The following PAM variants were observed in gnomAD, a reference collection of about 807,000 sequenced individuals.
PAM encodes peptidyl-glycine alpha-amidating monooxygenase.
PAM carries 72 observed loss-of-function variants against 122.1 expected under a neutral mutation model. The ratio of observed to expected loss-of-function variants is 0.59; its 90% confidence interval spans 0.49 to 0.72. PAM has a LOEUF of 0.72. PAM is among the 30% of genes least tolerant of loss of function. The pLI, the probability that PAM is intolerant of heterozygous loss-of-function variation, is 0.00. For synonymous variants in PAM, 389 were observed against 404.4 expected (o/e 0.96, Z 0.46); for missense variants, 1,106 against 1,183.7 (o/e 0.93, Z 0.96).
rs71586358 is a variant in PAM, at chr5:103,019,034, G to A, written c.2432-756G>A. Among the ~76,000 whole-genome samples, 665 of 152,296 alleles carry A rather than the reference G, an allele frequency of 4.4e-3. 3 individuals are homozygous for A. Among genetic ancestry groups the A allele is most frequent in the South Asian group, 0.016 (76 of 4,830 alleles). ...TACACTCACCTGCCACTCACCTCCT[G>A]CTGTGCGTTCCAGTTCCTAACAGGC... On this transcript the variant is annotated intron_variant, in intron 22 of 25. Coordinates refer to ENST00000438793, the MANE Select transcript of PAM (RefSeq NM_001177306.2).
chr5:102,909,387 A>G (rs569389066), intron 4 of PAM, among the ~76,000 whole-genome samples: 23 of 151,966 alleles, frequency 1.5e-4, no homozygotes, highest in African/African-American at 5.5e-4. Context: ...TTCTTTATGA[A>G]TTTATTTTAA....
intron 1 of PAM, among the ~76,000 whole-genome samples, chr5:102,761,003 T>C (rs924101652): frequency 4.6e-5 from 7 of 152,216 alleles, no homozygotes; most frequent in Admixed American, 2.0e-4. Flanking sequence ...TGTCTTGAGC[T>C]TTGTCTACTA....
intron 7 of PAM, among the ~76,000 whole-genome samples, chr5:102,931,807 A>ACTCTCTCT (rs60775669): frequency 1.1e-4 from 15 of 141,350 alleles, no homozygotes; most frequent in Non-Finnish European, 1.7e-4. Flanking sequence ...CAAACAACAC[A>ACTCTCTCT]CTCTCTCTCT....
intron 21 of PAM, among the ~76,000 whole-genome samples, chr5:103,016,807 A>C (rs1483125532): frequency 1.3e-5 from 2 of 152,216 alleles, no homozygotes; most frequent in South Asian, 4.1e-4. Flanking sequence ...GTACATTTCA[A>C]AAAATTAAAT....
chr5:102,949,263 G>T (rs1757999555), intron 9 of PAM, among the ~76,000 whole-genome samples: 1 of 151,948 alleles, frequency 6.6e-6, no homozygotes, highest in Admixed American at 6.6e-5. Context: ...CAAGCTAAAG[G>T]TAACAAATTA....
At chr5:102,793,942 TA>T (rs1365604218) in intron 1 of PAM, among the ~76,000 whole-genome samples, 2 of 152,290 alleles carry the variant, frequency 1.3e-5, no homozygotes, top group African/African-American at 2.4e-5. Context: ...ATTAAATGCA[TA>T]TTTTTTTCTT....
At chr5:102,915,254 C>T (rs984292427) in intron 5 of PAM, among the ~76,000 whole-genome samples, 1 of 152,090 alleles carries the variant, frequency 6.6e-6, no homozygotes, top group African/African-American at 2.4e-5. Context: ...TCCTAACATT[C>T]ATTAGCCTGA....
chr5:102,799,274 A>G (rs1317818179), intron 1 of PAM, among the ~76,000 whole-genome samples: 1 of 152,220 alleles, frequency 6.6e-6, no homozygotes, highest in African/African-American at 2.4e-5. Flanking sequence ...TCACAATGCA[A>G]CGTGTATATT....
intron 20 of PAM, among the ~76,000 whole-genome samples, chr5:103,008,251 G>T (rs934306087): frequency 6.6e-6 from 1 of 151,336 alleles, no homozygotes; most frequent in Non-Finnish European, 1.5e-5. Context: ...TTTAAATAAT[G>T]AAAATATATT....
chr5:102,968,013 G>A (rs999200285), intron 14 of PAM, among the ~76,000 whole-genome samples: 4 of 152,064 alleles, frequency 2.6e-5, no homozygotes, highest in African/African-American at 9.7e-5. Flanking sequence ...ATGAGCCACA[G>A]TGCCCAGCCA....
At chr5:102,856,224 G>A (rs1782576068) in intron 1 of PAM, among the ~76,000 whole-genome samples, 1 of 152,156 alleles carries the variant, frequency 6.6e-6, no homozygotes, top group Non-Finnish European at 1.5e-5. Flanking sequence ...CAGCCCAAAA[G>A]TCTGTTCCCC....
chr5:103,000,144 C>T (rs1776961751), intron 16 of PAM, among the ~76,000 whole-genome samples: 1 of 152,204 alleles, frequency 6.6e-6, no homozygotes, highest in Non-Finnish European at 1.5e-5. Flanking sequence ...TATGAGCACT[C>T]AAGTTACACC....
At chr5:102,977,951 T>C (rs1768296935) in intron 15 of PAM, among the ~76,000 whole-genome samples, 1 of 152,088 alleles carries the variant, frequency 6.6e-6, no homozygotes, top group Non-Finnish European at 1.5e-5. Flanking sequence ...GAGGGTCAAA[T>C]GATATTATAC....
At chr5:102,996,308 G>T (rs979567485) in intron 16 of PAM, among the ~76,000 whole-genome samples, 1 of 152,116 alleles carries the variant, frequency 6.6e-6, no homozygotes, top group South Asian at 2.1e-4. Flanking sequence ...AATGTTCAGG[G>T]TATTATTATA....
At chr5:102,772,271 C>T (rs1331152879) in intron 1 of PAM, among the ~76,000 whole-genome samples, 1 of 152,024 alleles carries the variant, frequency 6.6e-6, no homozygotes, top group African/African-American at 2.4e-5. Context: ...CCTAGAGTAC[C>T]TCTAATGTTT....
intron 15 of PAM, among the ~76,000 whole-genome samples, chr5:102,977,362 T>TA (rs1768016064): frequency 6.6e-6 from 1 of 152,168 alleles, no homozygotes; most frequent in South Asian, 2.1e-4. Flanking sequence ...ATCTTCTGAC[T>TA]TAGCCCAGCT....
chr5:102,931,003 T>C (rs1365773721), intron 7 of PAM, among the ~76,000 whole-genome samples: 1 of 152,174 alleles, frequency 6.6e-6, no homozygotes, highest in Non-Finnish European at 1.5e-5. Flanking sequence ...GCTGAGTTTC[T>C]AAACCTCTCT....
intron 21 of PAM, among the ~76,000 whole-genome samples, chr5:103,015,564 C>T (rs538303340): frequency 6.6e-6 from 1 of 152,282 alleles, no homozygotes; most frequent in South Asian, 2.1e-4. Context: ...TTTCAAATGA[C>T]ACAAAGCACT....
chr5:102,860,270 G>A (rs1455000081), intron 1 of PAM, among the ~76,000 whole-genome samples: 1 of 152,158 alleles, frequency 6.6e-6, no homozygotes, highest in Non-Finnish European at 1.5e-5. Flanking sequence ...GACAAGGTGA[G>A]GAGGGCATCC....
Sources: allele counts gnomAD v4.1 joint callset (sites outside exome capture counted in the v4.1 genomes callset), GRCh38; gene constraint gnomAD v4.1.1; transcripts MANE v1.5; gene names NCBI Gene and HGNC (gene_info 2026-07-23, HGNC 2026-07-21).